FLNC: variants seen among roughly 807,000 people sequenced by gnomAD.
FLNC encodes the protein filamin C, also known as filamin-C.
A neutral mutation model predicts 254.3 loss-of-function variants in FLNC; 91 were observed. The ratio of observed to expected loss-of-function variants is 0.36; its 90% CI spans 0.30 to 0.43. The LOEUF is 0.43. Among genes scored for constraint, FLNC ranks in the 20% least tolerant of loss-of-function variants. The pLI is 1.00. For synonymous variants in FLNC, 1,430 were observed against 1,577.2 expected (o/e 0.91, Z 2.21); for missense variants, 2,853 against 3,802.6 (o/e 0.75, Z 6.57).
At chr7:128,833,774 T>C (rs1343122592) in intron 1 of FLNC, among the ~76,000 whole-genome samples, 3 of 152,154 alleles carry the variant, frequency 2.0e-5, no homozygotes, top group Non-Finnish European at 4.4e-5. Context: ...TGTTGGAGCC[T>C]GTGTGTTTGA....
rs1350220887 is a variant in FLNC, at chr7:128,837,496, C to T, written c.798C>T (p.Ala266=). The stretch of plus-strand genomic sequence containing the variant: ...CCAAGGCCAAGCTCAAACCTGGTGC[C>T]CCTGTTCGATCCAAGCAGCTGAACC... ...QFPKAKLKPG[A]PVRSKQLNPK... Residue 266 remains alanine (A), a synonymous_variant, in exon 4 of 48, where the codon GCC becomes GCT. Transcript: ENST00000325888. The T allele has an allele frequency of 3.7e-6, 6 of 1,614,208 alleles. No homozygotes were observed. The African/African-American group carries it at 4.0e-5, about 11-fold the overall frequency.
Position 128,830,605 on chromosome 7 carries a change from C to A in FLNC, c.-33C>A, listed in dbSNP as rs1356218520. ...GCCCCCGATAGCCCAAACCGCGGCC[C>A]TAGCCCCGGCCGCACCCCCAGCCCG... On this transcript the variant is annotated 5_prime_UTR_variant, in exon 1 of 48. Coordinates refer to ENST00000325888, the MANE Select transcript of FLNC (RefSeq NM_001458.5). 1 of 1,601,280 alleles carries A rather than the reference C, an allele frequency of 6.2e-7. No homozygotes were observed. Among genetic ancestry groups the A allele is most frequent in the South Asian group, 1.1e-5 (1 of 90,326 alleles).
In FLNC at chr7:128,842,911, C is replaced by T. The variant is rs199652368; in HGVS notation, c.2507C>T (p.Pro836Leu). Residue 836 changes from proline to leucine, a missense_variant, in exon 16 of 48, where the codon CCA becomes CTA. Pro to Leu is a moderately conservative substitution (Grantham distance 98). Coordinates refer to ENST00000325888, the MANE Select transcript of FLNC (RefSeq NM_001458.5). This position sits in a 1 kb window ranked among gnomAD's most constrained non-coding sequence, Gnocchi z 5.4. ...NDTFTVKYTP[P>L]GAGRYTIMVL... ...ACCTTCACCGTCAAGTACACGCCAC[C>T]AGGGGCGGGCCGCTACACCATCATG... is the stretch of plus-strand genomic sequence containing the variant. 10 of 1,614,048 alleles carry T rather than the reference C, an allele frequency of 6.2e-6. No individual in the cohort carries two copies. Among genetic ancestry groups the T allele is most frequent in the Non-Finnish European group, 8.5e-6 (10 of 1,180,040 alleles).
At chr7:128,850,096 G>A (rs1421387527) in intron 31 of FLNC, 22 bp downstream of exon 31, 8 of 1,485,152 alleles carry the variant, frequency 5.4e-6, no homozygotes, top group Non-Finnish European at 7.3e-6. Context: ...CCCACCAGGC[G>A]ATGTCCTCCT....
Position 128,856,977 on chromosome 7 carries a change from C to A in FLNC, c.7561+56C>A. The A allele has an allele frequency of 6.3e-7, 1 of 1,595,478 alleles. No homozygotes were observed. Among genetic ancestry groups the A allele is most frequent in the South Asian group, 1.1e-5 (1 of 90,708 alleles). On this transcript the variant is annotated intron_variant, in intron 45 of 47. Transcript: ENST00000325888. The surrounding 1 kb of genome is among the most constrained non-coding windows in gnomAD (Gnocchi z 5.9). ...CTTCTGGGGGTGCTTGGCCACTAGTCTGGTGCTGCTTTGCTCCAGAGGTAG... is the reference window on the plus strand; with the variant it reads ...CTTCTGGGGGTGCTTGGCCACTAGTATGGTGCTGCTTTGCTCCAGAGGTAG...
At chr7:128,854,306 A>G in intron 40 of FLNC, 90 bp downstream of exon 40, 1 of 1,602,550 alleles carries the variant, frequency 6.2e-7, no homozygotes, top group South Asian at 1.1e-5. Context: ...CTGGCCCCGA[A>G]GGCCAGGGCA....
In FLNC at chr7:128,857,514, G is replaced by C. The variant is rs969845219; in HGVS notation, c.7780+178G>C. Among the ~76,000 whole-genome samples, 2 of 150,514 alleles carry C rather than the reference G, an allele frequency of 1.3e-5. No individual in the cohort carries two copies. Among genetic ancestry groups the C allele is most frequent in the African/African-American group, 5.0e-5 (2 of 40,016 alleles). ...GTTCTGTGGAGTCGGGCATGATCAC[G>C]TAAAAATGCCATTCTTCCTCTCCAT... On this transcript the variant is annotated intron_variant, in intron 46 of 47. Coordinates refer to ENST00000325888, the MANE Select transcript of FLNC (RefSeq NM_001458.5). This position sits in a 1 kb window ranked among gnomAD's most constrained non-coding sequence, Gnocchi z 4.5.
At chr7:128,845,399 C>T in intron 21 of FLNC, 144 bp downstream of exon 21, 1 of 746,694 alleles carries the variant, frequency 1.3e-6, no homozygotes, top group Non-Finnish European at 2.3e-6. Context: ...AGAGTCCTTA[C>T]TGGCCCAGAA....
Position 128,844,813 on chromosome 7 carries a change from A to T in FLNC, c.3348A>T (p.Ser1116=), listed in dbSNP as rs1053209205. The change falls in exon 21 of 48, where the codon TCA becomes TCT. Residue 1116 remains serine (S), a synonymous_variant. Transcript: ENST00000325888. ...KIECQDNGDG[S]CAVSYLPTEP... The stretch of plus-strand genomic sequence containing the variant: ...AGTGCCAGGACAATGGTGATGGCTC[A>T]TGTGCTGTCAGCTACCTGCCCACGG... The T allele has an allele frequency of 1.9e-6, 3 of 1,614,004 alleles. No homozygotes were observed. The African/African-American group carries it at 4.0e-5, about 22-fold the overall frequency.
rs188219077 is a variant in FLNC at position 128,849,263 on chromosome 7, G to A, written c.4951+59G>A. The A allele has an allele frequency of 1.0e-4, 162 of 1,614,024 alleles. No individual in the cohort carries two copies. In the East Asian group the frequency reaches 2.4e-3, roughly 24 times the overall value. On this transcript the variant is annotated intron_variant, in intron 29 of 47. Transcript: ENST00000325888. ...GCCAGGGTGGTTGGCGGTAGGGGGC[G>A]GGCAGCGGGAACAGAGAGGGCTGGC...
Position 128,850,059 on chromosome 7 carries a change from C to T in FLNC, c.5283C>T (p.Ala1761=), listed in dbSNP as rs1420967776. ...CCTACGCTCCTCCCCGGCCCGGCGCCCGCCCCACACACTGGGTACTGCGCC... is the reference window on the plus strand; with the variant it reads ...CCTACGCTCCTCCCCGGCCCGGCGCTCGCCCCACACACTGGGTACTGCGCC... The part of the protein sequence containing the change: ...RQPYAPPRPG[A]RPTHWATEEP... The change falls in exon 31 of 48, where the codon GCC becomes GCT. Residue 1761 remains alanine (A), a synonymous_variant. Transcript: ENST00000325888. The T allele has an allele frequency of 7.1e-6, 11 of 1,540,732 alleles. No individual in the cohort carries two copies. Among genetic ancestry groups the T allele is most frequent in the Non-Finnish European group, 9.6e-6 (11 of 1,148,192 alleles).
chr7:128,851,211 C>T, intron 33 of FLNC, 21 bp from the exon 34 acceptor site: 9 of 1,613,896 alleles, frequency 5.6e-6, no homozygotes, highest in African/African-American at 1.3e-5. Context: ...GACCCAGCCC[C>T]CTTTTTCTCT....
rs1808943188 is a variant in FLNC at position 128,854,078 on chromosome 7, C to A, written c.6589C>A (p.Arg2197=). 1 of 1,612,924 alleles carries A rather than the reference C, an allele frequency of 6.2e-7. No homozygotes were observed. The highest frequency in any genetic ancestry group is 1.3e-5 in the African/African-American group (1 of 74,942). Residue 2197 remains arginine (R), a synonymous_variant, in exon 40 of 48, where the codon CGG becomes AGG. Transcript: ENST00000325888. ...RTERTEISKT[R]GGETKREVRV... ...GGAGCGCACGGAGATCAGCAAGACG[C>A]GGGGCGGGGAGACAAAGCGCGAGGT...
chr7:128,858,629 C>A lies in FLNC; in HGVS notation c.*106C>A. 1 of 877,270 alleles carries A rather than the reference C, an allele frequency of 1.1e-6. No individual in the cohort carries two copies. The highest frequency in any genetic ancestry group is 1.8e-6 in the Non-Finnish European group (1 of 541,184). 54.3% of individuals were successfully genotyped at this position (877,270 alleles called of 1,614,324 possible). A position where few individuals can be genotyped will look rare whatever the true frequency, so the allele number is the denominator to read the frequency against. ...TGCCACACCCAGACACGCACAGAAT[C>A]AGACACTACAAACACCTGCCTTGGG... is the stretch of plus-strand genomic sequence containing the variant. On this transcript the variant is annotated 3_prime_UTR_variant, in exon 48 of 48. Transcript: ENST00000325888. This position sits in a 1 kb window ranked among gnomAD's most constrained non-coding sequence, Gnocchi z 6.7.
Position 128,856,943 on chromosome 7 carries a change from A to G in FLNC, c.7561+22A>G. 1 of 1,612,526 alleles carries G rather than the reference A, an allele frequency of 6.2e-7. No homozygotes were observed. ...ACCGGTGAGTGCCTGGAGCTGGGGA[A>G]CAGGGTGACTTCTGGGGGTGCTTGG... On this transcript the variant is annotated intron_variant, in intron 45 of 47. Transcript: ENST00000325888. This position sits in a 1 kb window ranked among gnomAD's most constrained non-coding sequence, Gnocchi z 5.9.
In FLNC at chr7:128,836,160, T is replaced by A. The variant is rs1808086821; in HGVS notation, c.601+586T>A. On this transcript the variant is annotated intron_variant, in intron 2 of 47. Coordinates refer to ENST00000325888, the MANE Select transcript of FLNC (RefSeq NM_001458.5). This position sits in a 1 kb window ranked among gnomAD's most constrained non-coding sequence, Gnocchi z 6.0. ...CCGTGTAGGTCCTGGCCTGGTCAAGTGGGGACAGCTCAGGGGCCATGAAAA... is the reference window on the plus strand; with the variant it reads ...CCGTGTAGGTCCTGGCCTGGTCAAGAGGGGACAGCTCAGGGGCCATGAAAA... 6.6e-6 allele frequency among the ~76,000 whole-genome samples: 1 copy of A among 151,862 alleles called. No individual in the cohort carries two copies. The highest frequency in any genetic ancestry group is 3.2e-3 in the Middle Eastern group (1 of 316).
intron 3 of FLNC, 34 bp downstream of exon 3, chr7:128,837,291 G>T (rs2291559): frequency 1.9e-5 from 30 of 1,573,582 alleles, no homozygotes; most frequent in Non-Finnish European, 2.6e-5. Context: ...GGGAAAGGGG[G>T]CAGGGGCAGA....
chr7:128,842,387 G>A lies in FLNC; in HGVS notation c.2265+13G>A, dbSNP rs749328889. 16 of 1,613,040 alleles carry A rather than the reference G, an allele frequency of 9.9e-6. No homozygotes were observed. The highest frequency in any genetic ancestry group is 1.1e-5 in the South Asian group (1 of 91,062). On this transcript the variant is annotated intron_variant, in intron 14 of 47. Coordinates refer to ENST00000325888, the MANE Select transcript of FLNC (RefSeq NM_001458.5). The surrounding 1 kb of genome is among the most constrained non-coding windows in gnomAD (Gnocchi z 5.4). Reference sequence around the variant, plus strand: ...GAGCCCCTTCCGGGTGCGTCCTCCCGGCCTGCCCCGTGCCCACCACCAGGG... The same window carrying A: ...GAGCCCCTTCCGGGTGCGTCCTCCCAGCCTGCCCCGTGCCCACCACCAGGG...
At chr7:128,833,238 C>G (rs976426674) in intron 1 of FLNC, among the ~76,000 whole-genome samples, 1 of 152,210 alleles carries the variant, frequency 6.6e-6, no homozygotes, top group African/African-American at 2.4e-5. Flanking sequence ...TCTCCTGGAG[C>G]CAACAACCAA....
Sources: allele counts gnomAD v4.1 joint callset (sites outside exome capture counted in the v4.1 genomes callset), GRCh38; gene constraint gnomAD v4.1.1; non-coding constraint Gnocchi (gnomAD v3.1); transcripts MANE v1.5; gene names NCBI Gene and HGNC (gene_info 2026-07-23, HGNC 2026-07-21).